The following PKD2 variants were observed in gnomAD, a reference collection of about 807,000 sequenced individuals.
The protein encoded by PKD2 is polycystin 2, transient receptor potential cation channel.
Under a neutral mutation model 105.9 loss-of-function variants are expected in PKD2, and 48 were observed. That is an observed-to-expected ratio of 0.45 (90% CI 0.36 to 0.58). The LOEUF (loss-of-function observed/expected upper bound fraction) is 0.58, where lower values mean the gene tolerates loss of function less well. Ranked by LOEUF, PKD2 falls within the 20% of genes least tolerant of loss-of-function variation. The probability of loss-of-function intolerance (pLI) is 0.00; values close to 1 mark genes in which losing one functional copy is unlikely to be tolerated. For missense variants in PKD2, 1,078 were observed against 1,255.3 expected (o/e 0.86, Z 2.13); for synonymous variants, 464 against 481.1 (o/e 0.96, Z 0.46).
At chr4:88,030,434 T>A (rs187556147) in intron 2 of PKD2, among the ~76,000 whole-genome samples, 27 of 152,310 alleles carry the variant, frequency 1.8e-4, no homozygotes, top group African/African-American at 6.5e-4. Flanking sequence ...ACATGCTATC[T>A]CAACGTCAAG....
intron 2 of PKD2, among the ~76,000 whole-genome samples, chr4:88,029,255 C>G (rs575687100): frequency 3.3e-5 from 5 of 152,332 alleles, no homozygotes; most frequent in African/African-American, 1.2e-4. Context: ...TTTCTTCTTT[C>G]TGAAGCATGT....
chr4:88,067,272 T>C (rs1172330798), intron 12 of PKD2, among the ~76,000 whole-genome samples: 1 of 152,210 alleles, frequency 6.6e-6, no homozygotes, highest in Non-Finnish European at 1.5e-5. Flanking sequence ...TCCAAAATAT[T>C]TTTGAAAATC....
rs1721281394 is a variant in PKD2, at chr4:88,077,718, A to T, written c.*2024A>T. ...CGCAAGTCTTTCTCGACAATCAAGA[A>T]TGTTATTAATGTGTAATACTGAGCA... is the stretch of plus-strand genomic sequence containing the variant. On this transcript the variant is annotated 3_prime_UTR_variant, in exon 15 of 15. Coordinates refer to ENST00000237596, the MANE Select transcript of PKD2 (RefSeq NM_000297.4). The T allele has an allele frequency of 6.6e-6, 1 of 152,200 alleles. No homozygotes were observed. Among genetic ancestry groups the T allele is most frequent in the Non-Finnish European group, 1.5e-5 (1 of 68,038 alleles). The allele number at this position is 152,200 out of a possible 1,614,324, so 9.4% of individuals were successfully genotyped here. A position where few individuals can be genotyped will look rare whatever the true frequency, so the allele number is the denominator to read the frequency against.
chr4:88,057,303 T>C lies in PKD2; in HGVS notation c.1899-680T>C, dbSNP rs183952878. Reference sequence around the variant, plus strand: ...ACCACACCAGGCCCTGTTGTTTTTTTTTTAAAGAAATTTTTAACTTTAGAC... The same window carrying C: ...ACCACACCAGGCCCTGTTGTTTTTTCTTTAAAGAAATTTTTAACTTTAGAC... On this transcript the variant is annotated intron_variant, in intron 8 of 14. Transcript: ENST00000237596. Among the ~76,000 whole-genome samples, 592 of 152,238 alleles carry C rather than the reference T, an allele frequency of 3.9e-3. 4 individuals are homozygous for C. The Middle Eastern group carries it at 0.044, about 11-fold the overall frequency.
intron 4 of PKD2, among the ~76,000 whole-genome samples, chr4:88,042,465 G>A (rs1328808469): frequency 1.3e-5 from 2 of 152,140 alleles, no homozygotes; most frequent in East Asian, 3.9e-4. Context: ...AGATGAGTTT[G>A]GTTGGGGACA....
At chr4:88,025,661 A>T (rs1726934035) in intron 2 of PKD2, among the ~76,000 whole-genome samples, 1 of 152,112 alleles carries the variant, frequency 6.6e-6, no homozygotes, top group African/African-American at 2.4e-5. Context: ...AATTTATTCA[A>T]ATACAAAAGT....
chr4:88,010,509 T>G (rs1726350267), intron 1 of PKD2, among the ~76,000 whole-genome samples: 1 of 152,308 alleles, frequency 6.6e-6, no homozygotes, highest in Non-Finnish European at 1.5e-5. Flanking sequence ...CTGCCCCCTT[T>G]GGATACTGAT....
In PKD2 at chr4:88,043,380, G is replaced by A; in HGVS notation, c.1242G>A (p.Trp414Ter). 1 of 1,614,014 alleles carries A rather than the reference G, an allele frequency of 6.2e-7. No homozygotes were observed. The highest frequency in any genetic ancestry group is 8.5e-7 in the Non-Finnish European group (1 of 1,179,936). Residue 414 changes from tryptophan to a stop codon, truncating the protein, a stop_gained, in exon 5 of 15, where the codon TGG becomes TGA. Coordinates refer to ENST00000237596, the MANE Select transcript of PKD2 (RefSeq NM_000297.4). LOFTEE classifies it high-confidence loss of function. Reference protein sequence around the residue: ...AQVASLKKNVWLDRGTRATFI... With the variant: ...AQVASLKKNV The stretch of plus-strand genomic sequence containing the variant: ...TTGCTAGCCTCAAGAAAAATGTCTG[G>A]CTGGACCGAGGAACCAGGGCAACTT...
chr4:88,069,356 T>C (rs372943796), intron 13 of PKD2, among the ~76,000 whole-genome samples: 4 of 152,260 alleles, frequency 2.6e-5, no homozygotes, highest in African/African-American at 9.6e-5. Context: ...TTACTTTTTT[T>C]TGTTCCTCTT....
At position 88,058,079 on chromosome 4, in the gene PKD2, G is replaced by A. The variant is rs752458069; in HGVS notation, c.1995G>A (p.Val665=). ...VLGPIYFTTF[V]FFMFFILLNM... ...GACCAATTTATTTCACTACATTTGT[G>A]TTCTTTATGTTCTTCATTCTTTTGG... Residue 665 remains valine, a synonymous_variant, in exon 9 of 15, where the codon GTG becomes GTA. Transcript: ENST00000237596. 6.5e-7 allele frequency: 1 copy of A among 1,536,480 alleles called. No individual in the cohort carries two copies. Among genetic ancestry groups the A allele is most frequent in the Admixed American group, 1.7e-5 (1 of 59,888 alleles).
intron 7 of PKD2, 117 bp downstream of exon 7, chr4:88,052,275 A>C: frequency 1.4e-6 from 1 of 707,018 alleles, no homozygotes; most frequent in South Asian, 1.7e-5. Context: ...AAAGCTGCTC[A>C]ATATTTACTT....
intron 4 of PKD2, among the ~76,000 whole-genome samples, chr4:88,042,454 A>C (rs763122369): frequency 2.6e-5 from 4 of 152,200 alleles, no homozygotes; most frequent in Non-Finnish European, 5.9e-5. Context: ...GTTACAATTC[A>C]AGATGAGTTT....
chr4:88,023,251 G>A (rs1245650280), intron 2 of PKD2, among the ~76,000 whole-genome samples: 1 of 152,176 alleles, frequency 6.6e-6, no homozygotes, highest in African/African-American at 2.4e-5. Flanking sequence ...GGCAGAAGGT[G>A]AAGCAGGAGC....
At chr4:88,066,421 G>A (rs1403976199) in intron 12 of PKD2, among the ~76,000 whole-genome samples, 1 of 150,818 alleles carries the variant, frequency 6.6e-6, no homozygotes, top group African/African-American at 2.4e-5. Flanking sequence ...GAGTGCAGTG[G>A]CACAATCGCG....
intron 1 of PKD2, 127 bp from the exon 2 acceptor site, chr4:88,019,329 TAA>T (rs200521275): frequency 5.8e-3 from 3,102 of 537,426 alleles, no homozygotes; most frequent in East Asian, 0.018. Context: ...AAAATGTGAT[TAA>T]AAAAAAAAAA....
chr4:88,066,520 C>T (rs1479985642), intron 12 of PKD2, among the ~76,000 whole-genome samples: 1 of 151,926 alleles, frequency 6.6e-6, no homozygotes. Flanking sequence ...TGCCATCATG[C>T]CCGGCTAATT....
intron 2 of PKD2, among the ~76,000 whole-genome samples, chr4:88,034,101 C>T (rs1245483434): frequency 6.6e-6 from 1 of 152,044 alleles, no homozygotes; most frequent in African/African-American, 2.4e-5. Context: ...TTAACTCTGC[C>T]CCAAGACAGT....
At chr4:88,045,945 T>G (rs1239723191) in intron 5 of PKD2, among the ~76,000 whole-genome samples, 3 of 152,154 alleles carry the variant, frequency 2.0e-5, no homozygotes, top group African/African-American at 7.2e-5. Context: ...AGTGGATGGT[T>G]TATATTTCTT....
intron 6 of PKD2, among the ~76,000 whole-genome samples, chr4:88,048,922 T>C (rs551062227): frequency 6.6e-6 from 1 of 152,364 alleles, no homozygotes; most frequent in South Asian, 2.1e-4. Flanking sequence ...TTGACAATTA[T>C]TCCAGAACAC....
Sources: gnomAD v4.1 joint callset for allele counts (sites outside exome capture counted in the v4.1 genomes callset) on GRCh38, gnomAD v4.1.1 for gene constraint, MANE v1.5 for transcripts, NCBI Gene and HGNC (gene_info 2026-07-23, HGNC 2026-07-21) for gene names.